TRIO: variants seen among roughly 807,000 people sequenced by gnomAD.
The protein encoded by TRIO is trio Rho guanine nucleotide exchange factor.
Under a neutral mutation model 351.9 loss-of-function variants are expected in TRIO, and 58 were observed. The ratio of observed to expected loss-of-function variants is 0.16; its 90% CI spans 0.13 to 0.21. The LOEUF (loss-of-function observed/expected upper bound fraction) is 0.21, where lower values mean the gene tolerates loss of function less well. TRIO is among the 10% of genes least tolerant of loss of function. TRIO has a pLI of 1.00. For synonymous variants in TRIO, 1,758 were observed against 1,595.7 expected, an observed-to-expected ratio of 1.10 and a Z score of -2.42; for missense variants, 3,201 against 4,027.8, an observed-to-expected ratio of 0.79 and a Z score of 5.56.
At chr5:14,148,980 G>A (rs143136855) in intron 1 of TRIO, among the ~76,000 whole-genome samples, 358 of 152,332 alleles carry the variant, frequency 2.4e-3, no homozygotes, top group Middle Eastern at 0.017. Context: ...TGGGCCACTG[G>A]GAGAGGGAAT....
At chr5:14,296,947 G>T in intron 6 of TRIO, 125 bp from the exon 7 acceptor site, 1 of 661,458 alleles carries the variant, frequency 1.5e-6, no homozygotes, top group African/African-American at 1.8e-5. Context: ...ATCAGGTGAT[G>T]CTCCTGGGAG....
intron 1 of TRIO, among the ~76,000 whole-genome samples, chr5:14,155,099 A>T (rs1313544334): frequency 6.6e-6 from 1 of 152,154 alleles, no homozygotes; most frequent in African/African-American, 2.4e-5. Flanking sequence ...TTAATTGTGG[A>T]TTACATCTAA....
In TRIO at chr5:14,151,383, TG is replaced by T. The variant is rs879408320; in HGVS notation, c.157+7502del. The stretch of plus-strand genomic sequence containing the variant: ...TGTTTTTTCATTGTGTGTGTGTGTG[TG>T]TTTGTGTGTGTGTGTGTGTGTGTGT... On this transcript the variant is annotated intron_variant, in intron 1 of 56. Coordinates refer to ENST00000344204, the MANE Select transcript of TRIO (RefSeq NM_007118.4). Among the ~76,000 whole-genome samples the T allele has an allele frequency of 7.6e-3, 651 of 85,712 alleles. 2 individuals carry two copies. The highest frequency in any genetic ancestry group is 0.01 in the Non-Finnish European group (445 of 43,526). The allele number at this position is 85,712 out of a possible 152,430, so 56.2% of individuals were successfully genotyped here. A position where few individuals can be genotyped will look rare whatever the true frequency, so the allele number is the denominator to read the frequency against.
At position 14,456,083 on chromosome 5, in the gene TRIO, C is replaced by T. The variant is rs145671069; in HGVS notation, c.5204-4936C>T. On this transcript the variant is annotated intron_variant, in intron 34 of 56. Transcript: ENST00000344204. ...GGCTGGCTGGCAGTGCTGGGGGACCCGGCACACCCTCTGCAGCTGCTGGCC... is the reference window on the plus strand; with the variant it reads ...GGCTGGCTGGCAGTGCTGGGGGACCTGGCACACCCTCTGCAGCTGCTGGCC... 1.3e-3 allele frequency among the ~76,000 whole-genome samples: 191 copies of T among 152,362 alleles called. 1 individual carries two copies. The highest frequency in any genetic ancestry group is 3.9e-3 in the African/African-American group (161 of 41,588).
chr5:14,215,072 A>G (rs1792136601), intron 1 of TRIO, among the ~76,000 whole-genome samples: 2 of 152,228 alleles, frequency 1.3e-5, no homozygotes, highest in Non-Finnish European at 2.9e-5. Context: ...TAGACTGTCT[A>G]GTTCAATAAT....
chr5:14,220,080 G>T (rs1234157713), intron 1 of TRIO, among the ~76,000 whole-genome samples: 6 of 145,422 alleles, frequency 4.1e-5, no homozygotes, highest in African/African-American at 1.5e-4. Flanking sequence ...CAAATTGAAG[G>T]TTTCTGGCAA....
chr5:14,182,856 G>T (rs1031698626), intron 1 of TRIO, among the ~76,000 whole-genome samples: 3 of 82,496 alleles, frequency 3.6e-5, no homozygotes, highest in Non-Finnish European at 8.2e-5. Context: ...ACCAAATACA[G>T]TGGAGACCCC....
intron 17 of TRIO, 56 bp downstream of exon 17, chr5:14,368,955 T>C (rs748414738): frequency 6.5e-7 from 1 of 1,547,542 alleles, no homozygotes; most frequent in East Asian, 2.3e-5. Context: ...TTGAGCTTAA[T>C]TTATTGGACA....
chr5:14,480,464 T>G (rs1755430697), intron 43 of TRIO, among the ~76,000 whole-genome samples: 1 of 152,248 alleles, frequency 6.6e-6, no homozygotes, highest in African/African-American at 2.4e-5. Context: ...CTTTAATTAT[T>G]TTCTAATCTT....
At chr5:14,177,329 A>G (rs1789467439) in intron 1 of TRIO, among the ~76,000 whole-genome samples, 1 of 152,200 alleles carries the variant, frequency 6.6e-6, no homozygotes, top group South Asian at 2.1e-4. Context: ...ATATGAGCAG[A>G]TGTTATGAAA....
At chr5:14,507,285 A>T in intron 56 of TRIO, 25 bp downstream of exon 56, 1 of 1,609,924 alleles carries the variant, frequency 6.2e-7, no homozygotes, top group Non-Finnish European at 8.5e-7. Flanking sequence ...GGGCAGGTGA[A>T]GGGGGGTCTG....
chr5:14,366,483 TA>T (rs1744599199), intron 15 of TRIO, among the ~76,000 whole-genome samples: 2 of 152,212 alleles, frequency 1.3e-5, no homozygotes, highest in Non-Finnish European at 2.9e-5. Context: ...TTTTCAGTCC[TA>T]AAAATGCTGG....
At chr5:14,280,467 G>T (rs1451848854) in intron 3 of TRIO, 31 bp downstream of exon 3, 1 of 1,575,290 alleles carries the variant, frequency 6.3e-7, no homozygotes, top group Non-Finnish European at 8.7e-7. Flanking sequence ...GCTTGTCACT[G>T]ATGTCACATT....
intron 2 of TRIO, among the ~76,000 whole-genome samples, chr5:14,273,564 T>G (rs1735220469): frequency 6.6e-6 from 1 of 152,206 alleles, no homozygotes; most frequent in Admixed American, 6.5e-5. Flanking sequence ...TAAGAGGCAA[T>G]TAGGCCATGA....
chr5:14,382,930 T>A (rs1318427707), intron 21 of TRIO, among the ~76,000 whole-genome samples: 2 of 151,922 alleles, frequency 1.3e-5, no homozygotes, highest in African/African-American at 4.8e-5. Flanking sequence ...CATTATATGA[T>A]CCGTATTTAG....
At position 14,391,068 on chromosome 5, in the gene TRIO, C is replaced by G; in HGVS notation, c.4218+78C>G. The G allele has an allele frequency of 1.4e-5, 15 of 1,092,226 alleles. No homozygotes were observed. In the South Asian group the frequency reaches 2.1e-4, roughly 15 times the overall value. 67.7% of individuals were successfully genotyped at this position (1,092,226 alleles called of 1,614,324 possible). A position where few individuals can be genotyped will look rare whatever the true frequency, so the allele number is the denominator to read the frequency against. ...ATGCGGCATTACTCATAACTTTCACCTAATTGATAGTACAATGTTTTCATT... is the reference window on the plus strand; with the variant it reads ...ATGCGGCATTACTCATAACTTTCACGTAATTGATAGTACAATGTTTTCATT... On this transcript the variant is annotated intron_variant, in intron 27 of 56. Transcript: ENST00000344204.
chr5:14,180,072 G>T (rs893212668), intron 1 of TRIO, among the ~76,000 whole-genome samples: 2 of 129,162 alleles, frequency 1.5e-5, no homozygotes, highest in African/African-American at 3.1e-5. Context: ...CTGCACTCCA[G>T]CTTGGGTGAC....
intron 1 of TRIO, among the ~76,000 whole-genome samples, chr5:14,200,373 T>A (rs956010638): frequency 3.3e-5 from 5 of 152,330 alleles, no homozygotes; most frequent in African/African-American, 1.2e-4. Flanking sequence ...CTGTCCTTTG[T>A]CTGTAATTGC....
intron 1 of TRIO, among the ~76,000 whole-genome samples, chr5:14,243,763 C>T (rs1197551591): frequency 6.6e-6 from 1 of 152,118 alleles, no homozygotes; most frequent in African/African-American, 2.4e-5. Flanking sequence ...TAATTGTGTA[C>T]ATTTTTCATG....
Sources: allele counts gnomAD v4.1 joint callset (sites outside exome capture counted in the v4.1 genomes callset), GRCh38; gene constraint gnomAD v4.1.1; transcripts MANE v1.5; gene names NCBI Gene and HGNC (gene_info 2026-07-23, HGNC 2026-07-21).